Variants in RNF17 observed in about 807,000 individuals in gnomAD.
RNF17 encodes the protein spermatogenesis associated 23.
Under a neutral mutation model 200.5 loss-of-function variants are expected in RNF17, and 31 were observed. The ratio of observed to expected loss-of-function variants is 0.15; its 90% CI spans 0.12 to 0.21. The LOEUF is 0.21. Among genes scored for constraint, RNF17 ranks in the 10% least tolerant of loss-of-function variants. The pLI is 1.00. For synonymous variants in RNF17, 606 were observed against 637.8 expected, an observed-to-expected ratio of 0.95 and a Z score of 0.75; for missense variants, 1,628 against 1,905.1, an observed-to-expected ratio of 0.85 and a Z score of 2.71.
chr13:24,804,381 A>G lies in RNF17; in HGVS notation c.2043A>G (p.Ser681=). 6.2e-7 allele frequency: 1 copy of G among 1,612,486 alleles called. No individual in the cohort carries two copies. Among genetic ancestry groups the G allele is most frequent in the Non-Finnish European group, 8.5e-7 (1 of 1,178,554 alleles). ...TGCCTAAAGAAATGACAGATGTTTC[A>G]GTAACGGTTTGTCATATAAATAGTC... ...PILPKEMTDV[S]VTVCHINSPG... Residue 681 remains serine, a synonymous_variant, in exon 15 of 36, where the codon TCA becomes TCG. Transcript: ENST00000255324.
In RNF17 at chr13:24,793,119, A is replaced by T. The variant is rs1314093033; in HGVS notation, c.1013A>T (p.Asp338Val). ...AACAAAAAGGAACTTTCTTGTTACG[A>T]TACATACCCACCGCTAGAAAAGAAA... ...YNNKKELSCYDTYPPLEKKKV... is the reference protein window; with the variant it reads ...YNNKKELSCYVTYPPLEKKKV... The change falls in exon 10 of 36, where the codon GAT becomes GTT. Residue 338 changes from aspartate (D) to valine (V), a missense_variant. Around this residue, in one of 5 missense-constraint regions of RNF17, gnomAD observed 502 missense variants for 501.7 expected, o/e 1.00. Coordinates refer to ENST00000255324, the MANE Select transcript of RNF17 (RefSeq NM_031277.3). 6.2e-7 allele frequency: 1 copy of T among 1,613,146 alleles called. No individual in the cohort carries two copies. Among genetic ancestry groups the T allele is most frequent in the Non-Finnish European group, 8.5e-7 (1 of 1,179,356 alleles).
At position 24,793,428 on chromosome 13, in the gene RNF17, TA is replaced by T. The variant is rs1227717927; in HGVS notation, c.1240+84del. 2.4e-6 allele frequency: 3 copies of T among 1,250,976 alleles called. No individual in the cohort carries two copies. The African/African-American group carries it at 4.5e-5, about 19-fold the overall frequency. The allele number at this position is 1,250,976 out of a possible 1,614,324, so 77.5% of individuals were successfully genotyped here. A position where few individuals can be genotyped will look rare whatever the true frequency, so the allele number is the denominator to read the frequency against. On this transcript the variant is annotated intron_variant, in intron 10 of 35. Coordinates refer to ENST00000255324, the MANE Select transcript of RNF17 (RefSeq NM_031277.3). ...TTGGTACCTTTTTCGTCCATGCATTTAACAGAAATATAATTGCTGTTATAAT... is the reference window on the plus strand; with the variant it reads ...TTGGTACCTTTTTCGTCCATGCATTTACAGAAATATAATTGCTGTTATAAT...
chr13:24,816,932 G>A (rs895916214), intron 15 of RNF17, among the ~76,000 whole-genome samples: 22 of 152,098 alleles, frequency 1.4e-4, no homozygotes, highest in Non-Finnish European at 2.6e-4. Context: ...GAGCCTTGTC[G>A]GGGCAGAGCT....
intron 18 of RNF17, among the ~76,000 whole-genome samples, chr13:24,834,831 A>T (rs1377383997): frequency 6.6e-6 from 1 of 152,186 alleles, no homozygotes; most frequent in Admixed American, 6.5e-5. Flanking sequence ...TCCTGGCCAG[A>T]ACTCAGGGGA....
At chr13:24,799,646 T>A in intron 12 of RNF17, 62 bp downstream of exon 12, 2 of 1,014,902 alleles carry the variant, frequency 2.0e-6, no homozygotes, top group Non-Finnish European at 3.0e-6. Context: ...GGAGGTGGAG[T>A]TAAAGAATAA....
chr13:24,800,893 G>A (rs114088987), intron 13 of RNF17, among the ~76,000 whole-genome samples: 1 of 152,072 alleles, frequency 6.6e-6, no homozygotes, highest in African/African-American at 2.4e-5. Flanking sequence ...TGGCCATATT[G>A]CATTCTGCGT....
intron 1 of RNF17, among the ~76,000 whole-genome samples, chr13:24,767,031 A>G (rs1038041709): frequency 1.1e-4 from 17 of 152,218 alleles, no homozygotes; most frequent in African/African-American, 4.1e-4. Context: ...CCCATTCAAC[A>G]TTAACACACT....
chr13:24,753,834 A>T, the RNF17 span, among the ~76,000 whole-genome samples: 20 of 152,252 alleles, frequency 1.3e-4, no homozygotes, highest in South Asian at 2.5e-3. Context: ...AGATTCTTTT[A>T]AAAAATACAA....
downstream of RNF17, among the ~76,000 whole-genome samples, chr13:24,880,922 T>C (rs937601561): frequency 9.2e-5 from 14 of 152,242 alleles, no homozygotes; most frequent in Non-Finnish European, 7.3e-5. Context: ...GCATATCTCA[T>C]TGAATATGCA....
intron 15 of RNF17, among the ~76,000 whole-genome samples, chr13:24,820,493 T>C (rs1198817683): frequency 6.6e-6 from 1 of 152,076 alleles, no homozygotes; most frequent in African/African-American, 2.4e-5. Context: ...TGGAGTACAG[T>C]GGTGCGATCT....
At chr13:24,849,267 A>G (rs1339106195) in intron 22 of RNF17, among the ~76,000 whole-genome samples, 1 of 152,234 alleles carries the variant, frequency 6.6e-6, no homozygotes, top group Admixed American at 6.5e-5. Context: ...GCATTATGTT[A>G]TCTGTAATCT....
chr13:24,828,060 T>C (rs537477773), intron 16 of RNF17, among the ~76,000 whole-genome samples: 2 of 152,298 alleles, frequency 1.3e-5, no homozygotes, highest in South Asian at 4.1e-4. Context: ...GATACCACTG[T>C]ATAGTTTCGT....
At position 24,820,224 on chromosome 13, in the gene RNF17, C is replaced by T. The variant is rs936538491; in HGVS notation, c.2092-5395C>T. Among the ~76,000 whole-genome samples the T allele has an allele frequency of 2.7e-5, 4 of 150,578 alleles. No homozygotes were observed. In the East Asian group the frequency reaches 5.8e-4, roughly 22 times the overall value. ...GCAGTCTCTGCCTCCTGGGTTCAAG[C>T]GATTGTCCTGCCCCAGCCTCCCTAG... On this transcript the variant is annotated intron_variant, in intron 15 of 35. Transcript: ENST00000255324.
intron 15 of RNF17, among the ~76,000 whole-genome samples, chr13:24,819,153 A>G (rs1194235042): frequency 6.6e-6 from 1 of 152,142 alleles, no homozygotes; most frequent in East Asian, 1.9e-4. Flanking sequence ...TCATCTTGCA[A>G]ACTGAAACTA....
At chr13:24,858,770 C>T (rs1892786983) in intron 25 of RNF17, among the ~76,000 whole-genome samples, 1 of 151,938 alleles carries the variant, frequency 6.6e-6, no homozygotes, top group African/African-American at 2.4e-5. Flanking sequence ...ATTAAGCTAG[C>T]TGGTATGTGT....
intron 15 of RNF17, among the ~76,000 whole-genome samples, chr13:24,823,536 AAGAAG>A (rs1888307846): frequency 6.6e-6 from 1 of 152,216 alleles, no homozygotes; most frequent in African/African-American, 2.4e-5. Flanking sequence ...AGCTGAAACA[AAGAAG>A]AGACAGAGAA....
intron 15 of RNF17, among the ~76,000 whole-genome samples, chr13:24,815,428 G>T (rs1025499711): frequency 6.9e-6 from 1 of 144,100 alleles, no homozygotes; most frequent in Non-Finnish European, 1.5e-5. Context: ...GCCCTAACGG[G>T]GTGTGTGTGT....
chr13:24,887,531 G>GT, the RNF17 span, among the ~76,000 whole-genome samples: 1 of 152,176 alleles, frequency 6.6e-6, no homozygotes, highest in Non-Finnish European at 1.5e-5. Flanking sequence ...GCTCCTTAGA[G>GT]TATCTAATGC....
chr13:24,833,268 G>T (rs1296275976), intron 18 of RNF17, among the ~76,000 whole-genome samples: 1 of 152,128 alleles, frequency 6.6e-6, no homozygotes. Context: ...GAAATGAATT[G>T]CTCAAAGTCA....
Sources: allele counts gnomAD v4.1 joint callset (sites outside exome capture counted in the v4.1 genomes callset), GRCh38; gene constraint gnomAD v4.1.1; regional missense constraint gnomAD v4.1.1; transcripts MANE v1.5; gene names NCBI Gene and HGNC (gene_info 2026-07-23, HGNC 2026-07-21).